The following SLC39A4 variants were observed in gnomAD, a reference collection of about 807,000 sequenced individuals.
SLC39A4 encodes zinc transporter ZIP4.
Under a neutral mutation model 56.6 loss-of-function variants are expected in SLC39A4, and 49 were observed. The ratio of observed to expected loss-of-function variants is 0.87; its 90% CI spans 0.69 to 1.10. SLC39A4 has a LOEUF of 1.10. Ranked by LOEUF, SLC39A4 falls within the 50% of genes least tolerant of loss-of-function variation. The pLI is 0.00. For synonymous variants in SLC39A4, 540 were observed against 420.4 expected, an observed-to-expected ratio of 1.28 and a Z score of -3.48; for missense variants, 993 against 864.2, an observed-to-expected ratio of 1.15 and a Z score of -1.87.
chr8:144,412,419 G>T lies in SLC39A4; in HGVS notation c.*119C>A. On this transcript the variant is annotated 3_prime_UTR_variant, in exon 12 of 12. Transcript: ENST00000301305. ...CAAGGAGAGCACAGCCATGCTCCAAGGACAAGAGTGTCTTTACTGGAGTTG... is the reference window on the plus strand; with the variant it reads ...CAAGGAGAGCACAGCCATGCTCCAATGACAAGAGTGTCTTTACTGGAGTTG... The T allele has an allele frequency of 6.5e-7, 1 of 1,540,536 alleles. No homozygotes were observed. Among genetic ancestry groups the T allele is most frequent in the Non-Finnish European group, 8.9e-7 (1 of 1,118,062 alleles).
Position 144,414,110 on chromosome 8 carries a change from C to A in SLC39A4, c.1150-15G>T, listed in dbSNP as rs200673705. 38 of 1,554,618 alleles carry A rather than the reference C, an allele frequency of 2.4e-5. No individual in the cohort carries two copies. Among genetic ancestry groups the A allele is most frequent in the Non-Finnish European group, 3.2e-5 (37 of 1,149,636 alleles). ...AGCCCCAGCACCTGGGGAGTAGGGG[C>A]GCTGGGCTGGGGGGGAGGTCCCAGG... is the stretch of plus-strand genomic sequence containing the variant. On this transcript the variant is annotated splice_polypyrimidine_tract_variant and intron_variant, in intron 6 of 11. Transcript: ENST00000301305.
chr8:144,416,110 G>T lies in SLC39A4; in HGVS notation c.193-19C>A. On this transcript the variant is annotated intron_variant, in intron 1 of 11. Transcript: ENST00000301305. The stretch of plus-strand genomic sequence containing the variant: ...ACAGGCACTGTGGGCAGAGACAAGT[G>T]AGCAGGGGCGCTGGGCCCACCAGGG... 6.2e-7 allele frequency: 1 copy of T among 1,600,450 alleles called. No individual in the cohort carries two copies. The highest frequency in any genetic ancestry group is 1.7e-5 in the Admixed American group (1 of 58,752).
chr8:144,413,645 G>T, intron 8 of SLC39A4, 78 bp from the exon 9 acceptor site: 1 of 1,545,708 alleles, frequency 6.5e-7, no homozygotes. Context: ...CCAGATCACC[G>T]CGGGAGGCGG....
rs1296327177 is a variant in SLC39A4 at position 144,413,739 on chromosome 8, C to A, written c.1419+11G>T. 6.5e-7 allele frequency: 1 copy of A among 1,535,550 alleles called. No individual in the cohort carries two copies. The highest frequency in any genetic ancestry group is 1.4e-5 in the African/African-American group (1 of 73,016). On this transcript the variant is annotated intron_variant, in intron 8 of 11. Transcript: ENST00000301305. The stretch of plus-strand genomic sequence containing the variant: ...GCTCCGCGTGGGATGGGGCATCTGG[C>A]GCCCACTCACCAGGTCTGCGCGGGA...
Position 144,416,095 on chromosome 8 carries a change from T to A in SLC39A4, c.193-4A>T, listed in dbSNP as rs782435079. The A allele has an allele frequency of 5.6e-6, 9 of 1,600,496 alleles. No individual in the cohort carries two copies. In the East Asian group the frequency reaches 6.7e-5, roughly 12 times the overall value. On this transcript the variant is annotated splice_polypyrimidine_tract_variant and splice_region_variant and intron_variant, in intron 1 of 11. Transcript: ENST00000301305. ...GGGCGTCCTCCACAGACAGGCACTG[T>A]GGGCAGAGACAAGTGAGCAGGGGCG... is the stretch of plus-strand genomic sequence containing the variant.
intron 6 of SLC39A4, 74 bp downstream of exon 6, chr8:144,414,188 T>C: frequency 1.9e-6 from 3 of 1,576,916 alleles, no homozygotes; most frequent in Non-Finnish European, 2.6e-6. Flanking sequence ...GTGGGTAAGG[T>C]CCCTGGGAGG....
chr8:144,414,537 C>G (rs1554873137), intron 5 of SLC39A4, 103 bp from the exon 6 acceptor site: 2 of 1,523,796 alleles, frequency 1.3e-6, no homozygotes, highest in African/African-American at 2.8e-5. Context: ...TGGGCCAGGC[C>G]CTCACTCAGG....
rs925582486 is a variant in SLC39A4 at position 144,416,591 on chromosome 8, C to T, written c.192+7G>A. ...GGGCTGGGGGACCCGTCGGGTGGGG[C>T]TGTTACCTTTCCACACGGCCCGTTG... On this transcript the variant is annotated splice_region_variant and intron_variant, in intron 1 of 11. Coordinates refer to ENST00000301305, the MANE Select transcript of SLC39A4 (RefSeq NM_130849.4). 86 of 1,573,788 alleles carry T rather than the reference C, an allele frequency of 5.5e-5. No individual in the cohort carries two copies. The highest frequency in any genetic ancestry group is 7.0e-5 in the Non-Finnish European group (81 of 1,161,362).
chr8:144,413,381 G>A lies in SLC39A4; in HGVS notation c.1483C>T (p.Leu495=), dbSNP rs1422884093. Residue 495 remains leucine (L), a synonymous_variant, in exon 10 of 12, where the codon CTA becomes TTA. Transcript: ENST00000301305. ...EPRRLSPELR[L]LPYMITLGDA... is the part of the protein sequence containing the mutation. Reference sequence around the variant, plus strand: ...CCCAGAGTGATCATATAGGGCAGTAGCCTCAACTCTGCGGGCGCAGAGGCC... The same window carrying A: ...CCCAGAGTGATCATATAGGGCAGTAACCTCAACTCTGCGGGCGCAGAGGCC... 1.2e-6 allele frequency: 2 copies of A among 1,609,312 alleles called. No homozygotes were observed. Among genetic ancestry groups the A allele is most frequent in the Non-Finnish European group, 1.7e-6 (2 of 1,179,354 alleles).
At position 144,415,214 on chromosome 8, in the gene SLC39A4, G is replaced by A; in HGVS notation, c.667+13C>T. On this transcript the variant is annotated intron_variant, in intron 3 of 11. Transcript: ENST00000301305. ...CGGGGGTGCCCCCCTCCACAGCCCA[G>A]CCCAGGCCTCACCGGCCAGCGTCAT... The A allele has an allele frequency of 6.2e-7, 1 of 1,612,894 alleles. No individual in the cohort carries two copies. The highest frequency in any genetic ancestry group is 8.5e-7 in the Non-Finnish European group (1 of 1,179,826).
chr8:144,414,173 G>T, intron 6 of SLC39A4, 78 bp from the exon 7 acceptor site: 1 of 1,569,616 alleles, frequency 6.4e-7, no homozygotes, highest in Non-Finnish European at 8.6e-7. Context: ...GGGTCAGGAG[G>T]TGGGGTGGGT....
rs372390844 is a variant in SLC39A4 at position 144,414,243 on chromosome 8, C to G, written c.1149+19G>C. 8 of 1,605,334 alleles carry G rather than the reference C, an allele frequency of 5.0e-6. No individual in the cohort carries two copies. Among genetic ancestry groups the G allele is most frequent in the Admixed American group, 1.7e-5 (1 of 58,322 alleles). ...GGTGGGGAACGGAGGGCCAGGGTCGCGGGTTTGTGGGGGCAGACCTTGGGC... is the reference window on the plus strand; with the variant it reads ...GGTGGGGAACGGAGGGCCAGGGTCGGGGGTTTGTGGGGGCAGACCTTGGGC... On this transcript the variant is annotated intron_variant, in intron 6 of 11. Transcript: ENST00000301305.
chr8:144,413,944 C>T lies in SLC39A4; in HGVS notation c.1287+14G>A, dbSNP rs781955455. ...GCACACCCACCCGCCGGGTACCTTC[C>T]CAAGAAGCCTGACCTCCGGGTCCCT... is the stretch of plus-strand genomic sequence containing the variant. On this transcript the variant is annotated intron_variant, in intron 7 of 11. Transcript: ENST00000301305. The T allele has an allele frequency of 8.7e-6, 14 of 1,610,738 alleles. No homozygotes were observed. Among genetic ancestry groups the T allele is most frequent in the East Asian group, 2.2e-5 (1 of 44,818 alleles).
rs1554873339 is a variant in SLC39A4 at position 144,414,990 on chromosome 8, G to A, written c.788C>T (p.Ser263Phe). ...PVPLISSSNS[S>F]SVWDTVCLSA... ...GCAGCTCACCGTGTCCCACACACTGGAGCTGTTGCTGGAGCTGATGAGGGG... is the reference window on the plus strand; with the variant it reads ...GCAGCTCACCGTGTCCCACACACTGAAGCTGTTGCTGGAGCTGATGAGGGG... The change falls in exon 4 of 12, where the codon TCC becomes TTC. Residue 263 changes from serine (S) to phenylalanine (F), a missense_variant. Ser to Phe is a radical substitution (Grantham distance 155). Transcript: ENST00000301305. 2 of 1,612,564 alleles carry A rather than the reference G, an allele frequency of 1.2e-6. No homozygotes were observed. The highest frequency in any genetic ancestry group is 1.7e-6 in the Non-Finnish European group (2 of 1,179,972).
rs573522327 is a variant in SLC39A4, at chr8:144,414,758, G to A, written c.943C>T (p.Pro315Ser). The A allele has an allele frequency of 1.1e-5, 18 of 1,613,094 alleles. No individual in the cohort carries two copies. In the South Asian group the frequency reaches 1.3e-4, roughly 12 times the overall value. Residue 315 changes from proline (P) to serine (S), a missense_variant, in exon 5 of 12, where the codon CCC becomes TCC. Physicochemically the swap from Pro to Ser is moderately conservative, Grantham distance 74. Transcript: ENST00000301305. ...TGGCTGAGCTGGTCCTGGACGGGGG[G>A]CCTGGACTGGGAGGTGCAGGCTCCA... Reference protein sequence around the residue: ...LSGACTSQSRPPVQDQLSQSE... With the variant: ...LSGACTSQSRSPVQDQLSQSE...
chr8:144,416,570 T>C, intron 1 of SLC39A4, 28 bp downstream of exon 1: 1 of 1,554,650 alleles, frequency 6.4e-7, no homozygotes, highest in South Asian at 1.2e-5. Context: ...AGGCCAGGGC[T>C]GGGGGACCCG....
At position 144,416,656 on chromosome 8, in the gene SLC39A4, CCCAGAGCCTCTTGAT is replaced by C. The variant is rs1554874139; in HGVS notation, c.119_133del (p.Asp40_Leu44del). 1 of 1,610,430 alleles carries C rather than the reference CCCAGAGCCTCTTGAT, an allele frequency of 6.2e-7. No homozygotes were observed. The highest frequency in any genetic ancestry group is 1.3e-5 in the African/African-American group (1 of 74,912). On this transcript the variant is annotated inframe_deletion, in exon 1 of 12. Transcript: ENST00000301305. ...GTCCGCCAGCGTATTTAACAGGCCGCCCAGAGCCTCTTGATCCAGAGCGCCCTGGCCAGAGGTGAG... is the reference window on the plus strand; with the variant it reads ...GTCCGCCAGCGTATTTAACAGGCCGCCCAGAGCGCCCTGGCCAGAGGTGAG...
rs1554871718 is a variant in SLC39A4, at chr8:144,412,429, G to T, written c.*109C>A. 1 of 1,564,014 alleles carries T rather than the reference G, an allele frequency of 6.4e-7. No individual in the cohort carries two copies. On this transcript the variant is annotated 3_prime_UTR_variant, in exon 12 of 12. Transcript: ENST00000301305. ...ACAGCCATGCTCCAAGGACAAGAGT[G>T]TCTTTACTGGAGTTGGGACTGGGGC...
rs577758345 is a variant in SLC39A4, at chr8:144,414,713, G to C, written c.976+12C>G. 1 of 1,612,148 alleles carries C rather than the reference G, an allele frequency of 6.2e-7. No homozygotes were observed. The highest frequency in any genetic ancestry group is 1.7e-5 in the Admixed American group (1 of 59,990). ...TCTGTGCTGCCAGCACAATGTCGGCGTGGGCACTCACTCTCTGACTGGCTG... is the reference window on the plus strand; with the variant it reads ...TCTGTGCTGCCAGCACAATGTCGGCCTGGGCACTCACTCTCTGACTGGCTG... On this transcript the variant is annotated intron_variant, in intron 5 of 11. Coordinates refer to ENST00000301305, the MANE Select transcript of SLC39A4 (RefSeq NM_130849.4).
Sources: gnomAD v4.1 joint callset for allele counts on GRCh38, gnomAD v4.1.1 for gene constraint, MANE v1.5 for transcripts, NCBI Gene and HGNC (gene_info 2026-07-23, HGNC 2026-07-21) for gene names.